NRXN3: variants seen among roughly 807,000 people sequenced by gnomAD.
NRXN3 encodes the protein neurexin 3, also known as neurexin III.
NRXN3 carries 32 observed loss-of-function variants against 137.6 expected under a neutral mutation model. That is an observed-to-expected ratio of 0.23 (90% CI 0.18 to 0.31). NRXN3 has a LOEUF of 0.31. Ranked by LOEUF, NRXN3 falls within the 10% of genes least tolerant of loss-of-function variation. NRXN3 has a pLI of 1.00. For synonymous variants in NRXN3, 798 were observed against 784.5 expected (o/e 1.02, Z -0.29); for missense variants, 1,574 against 2,062.5 (o/e 0.76, Z 4.59).
chr14:78,818,254 A>G (rs1249883054), intron 10 of NRXN3, among the ~76,000 whole-genome samples: 1 of 152,146 alleles, frequency 6.6e-6, no homozygotes, highest in African/African-American at 2.4e-5. Context: ...AAATTTTTAC[A>G]TTGATATCTG....
At chr14:79,143,136 C>T (rs10148341) in intron 15 of NRXN3, among the ~76,000 whole-genome samples, 3,517 of 152,164 alleles carry the variant, frequency 0.023, 134 homozygotes, top group African/African-American at 0.079. Context: ...TCCTTGAGGG[C>T]AAAAACAGTC....
intron 15 of NRXN3, among the ~76,000 whole-genome samples, chr14:79,398,469 A>T (rs1193562886): frequency 6.6e-6 from 1 of 152,064 alleles, no homozygotes; most frequent in Non-Finnish European, 1.5e-5. Flanking sequence ...TACTCCACAC[A>T]TCTCAGTGTA....
chr14:78,375,901 A>T (rs1190789006), intron 4 of NRXN3, among the ~76,000 whole-genome samples: 3 of 152,094 alleles, frequency 2.0e-5, no homozygotes, highest in Non-Finnish European at 2.9e-5. Flanking sequence ...TCCCCTTCTC[A>T]TGACTCCCAA....
intron 19 of NRXN3, among the ~76,000 whole-genome samples, chr14:79,711,812 T>G (rs1026165059): frequency 6.6e-6 from 1 of 152,026 alleles, no homozygotes; most frequent in African/African-American, 2.4e-5. Context: ...ATCCAATTAA[T>G]GATGGTGAAG....
intron 15 of NRXN3, among the ~76,000 whole-genome samples, chr14:79,340,956 G>A (rs2092579010): frequency 1.3e-5 from 2 of 152,122 alleles, no homozygotes; most frequent in Non-Finnish European, 2.9e-5. Context: ...GTCATGTTAT[G>A]TAAAAATGAG....
intron 16 of NRXN3, among the ~76,000 whole-genome samples, chr14:79,477,687 G>T (rs190448551): frequency 2.0e-5 from 3 of 152,194 alleles, no homozygotes; most frequent in Admixed American, 2.0e-4. Flanking sequence ...TTTTGGCTCT[G>T]TTAAAAGAAT....
intron 15 of NRXN3, among the ~76,000 whole-genome samples, chr14:79,348,490 C>T (rs999345651): frequency 1.3e-5 from 2 of 151,862 alleles, no homozygotes; most frequent in African/African-American, 2.4e-5. Context: ...ATTTTCCTGC[C>T]TCAGCCTCCT....
intron 15 of NRXN3, among the ~76,000 whole-genome samples, chr14:79,267,278 T>C (rs2078583183): frequency 6.6e-6 from 1 of 152,184 alleles, no homozygotes; most frequent in Non-Finnish European, 1.5e-5. Flanking sequence ...TAATTAAGGA[T>C]ATAGAATTAT....
chr14:79,392,238 T>C (rs1275054112), intron 15 of NRXN3, among the ~76,000 whole-genome samples: 1 of 152,214 alleles, frequency 6.6e-6, no homozygotes, highest in South Asian at 2.1e-4. Context: ...AGTGAGAACA[T>C]GTGGTATTTG....
intron 16 of NRXN3, among the ~76,000 whole-genome samples, chr14:79,468,337 C>T (rs1433201725): frequency 6.6e-6 from 1 of 152,182 alleles, no homozygotes; most frequent in Non-Finnish European, 1.5e-5. Context: ...AGATATGATT[C>T]TCATCCATAA....
chr14:78,658,158 G>C (rs570208120), intron 6 of NRXN3, among the ~76,000 whole-genome samples: 1 of 152,198 alleles, frequency 6.6e-6, no homozygotes, highest in Admixed American at 6.5e-5. Flanking sequence ...TGCAGCGTAG[G>C]GCTAGTAAAA....
At chr14:78,543,462 C>A (rs2096610690) in intron 4 of NRXN3, among the ~76,000 whole-genome samples, 1 of 151,976 alleles carries the variant, frequency 6.6e-6, no homozygotes, top group Non-Finnish European at 1.5e-5. Context: ...ATATCAATTG[C>A]AATAATGGTG....
intron 4 of NRXN3, among the ~76,000 whole-genome samples, chr14:78,594,974 G>T (rs12437435): frequency 0.078 from 11,846 of 152,126 alleles, 527 homozygotes; most frequent in African/African-American, 0.13. Context: ...GACTCTTTAC[G>T]GCAGTTCTGA....
chr14:78,612,167 A>G lies in NRXN3; in HGVS notation c.758-32953A>G, dbSNP rs556112609. ...TTCTCTAAGTTGTTGCTGTAGTTTA[A>G]ACTTGCTTTCTTACATCCTGTTGGT... On this transcript the variant is annotated intron_variant, in intron 4 of 20. Coordinates refer to ENST00000335750, the MANE Select transcript of NRXN3 (RefSeq NM_001330195.2). Among the ~76,000 whole-genome samples, 4 of 152,246 alleles carry G rather than the reference A, an allele frequency of 2.6e-5. No individual in the cohort carries two copies. In the East Asian group the frequency reaches 7.7e-4, roughly 29 times the overall value.
intron 4 of NRXN3, among the ~76,000 whole-genome samples, chr14:78,495,164 A>G: frequency 8.2e-6 from 1 of 121,684 alleles, no homozygotes; most frequent in African/African-American, 3.1e-5. Context: ...TGTGTGTGTG[A>G]AGTTGCATGT....
At chr14:79,653,971 ATACCCCAG>A (rs1304451889) in intron 16 of NRXN3, among the ~76,000 whole-genome samples, 1 of 152,202 alleles carries the variant, frequency 6.6e-6, no homozygotes, top group African/African-American at 2.4e-5. Context: ...TCTGGGTTTT[ATACCCCAG>A]GGGCAATATG....
chr14:79,198,030 GTTTAAGT>G (rs995783452), intron 15 of NRXN3, among the ~76,000 whole-genome samples: 19 of 152,128 alleles, frequency 1.2e-4, no homozygotes, highest in African/African-American at 4.1e-4. Context: ...CTCCTCATCT[GTTTAAGT>G]TTTATTATGA....
chr14:79,478,656 G>A lies in NRXN3; in HGVS notation c.3444+11254G>A, dbSNP rs72690743. On this transcript the variant is annotated intron_variant, in intron 16 of 20. Coordinates refer to ENST00000335750, the MANE Select transcript of NRXN3 (RefSeq NM_001330195.2). ...AAATCCAATGACAGAATGCAAGTGA[G>A]CATGCCGTGTCATCATTGAAAAGTC... Among the ~76,000 whole-genome samples the A allele has an allele frequency of 3.2e-3, 492 of 152,226 alleles. 4 individuals are homozygous for A. Among genetic ancestry groups the A allele is most frequent in the Non-Finnish European group, 5.4e-3 (370 of 68,000 alleles).
At chr14:79,349,344 T>C (rs1184895533) in intron 15 of NRXN3, among the ~76,000 whole-genome samples, 1 of 151,804 alleles carries the variant, frequency 6.6e-6, no homozygotes, top group East Asian at 1.9e-4. Flanking sequence ...GTGACCACCA[T>C]AGAGGGGAGT....
Sources: gnomAD v4.1 joint callset for allele counts (sites outside exome capture counted in the v4.1 genomes callset) on GRCh38, gnomAD v4.1.1 for gene constraint, MANE v1.5 for transcripts, NCBI Gene and HGNC (gene_info 2026-07-23, HGNC 2026-07-21) for gene names.